The following OCA2 variants were observed in gnomAD, a reference collection of about 807,000 sequenced individuals.
OCA2 encodes the protein OCA2 melanosomal transmembrane protein.
A neutral mutation model predicts 100.2 loss-of-function variants in OCA2; 77 were observed. That is an observed-to-expected ratio of 0.77 (90% CI 0.64 to 0.93). The LOEUF is 0.93. Among genes scored for constraint, OCA2 ranks in the 40% least tolerant of loss-of-function variants. OCA2 has a pLI of 0.00. For missense variants in OCA2, 1,062 were observed against 1,089.1 expected (o/e 0.98, Z 0.35); for synonymous variants, 432 against 439.2 (o/e 0.98, Z 0.21).
Position 28,081,601 on chromosome 15 carries a change from A to G in OCA2, c.227+47T>C, listed in dbSNP as rs763096312. The stretch of plus-strand genomic sequence containing the variant: ...GGGGAACGATGCTCATGGAAACCCA[A>G]TCTGTGTGAAGTCCACATTTACAAG... On this transcript the variant is annotated intron_variant, in intron 2 of 23. Transcript: ENST00000354638. 3.8e-6 allele frequency: 6 copies of G among 1,562,260 alleles called. No homozygotes were observed. In the South Asian group the frequency reaches 6.8e-5, roughly 18 times the overall value.
intron 21 of OCA2, 63 bp from the exon 22 acceptor site, chr15:27,851,538 G>GGGCAGGCCA: frequency 7.8e-7 from 1 of 1,287,276 alleles, no homozygotes; most frequent in Non-Finnish European, 1.1e-6. Context: ...GCCATACTGT[G>GGGCAGGCCA]ACCAATTTAG....
intron 21 of OCA2, among the ~76,000 whole-genome samples, chr15:27,859,664 C>G (rs1286854831): frequency 6.6e-6 from 1 of 152,188 alleles, no homozygotes; most frequent in Non-Finnish European, 1.5e-5. Flanking sequence ...CTTCCTAACT[C>G]ATTCCATGAG....
intron 23 of OCA2, among the ~76,000 whole-genome samples, chr15:27,774,344 C>T (rs1314456498): frequency 6.6e-6 from 1 of 152,230 alleles, no homozygotes; most frequent in Non-Finnish European, 1.5e-5. Flanking sequence ...ACATCTGAGG[C>T]CTTCAGGCCC....
At chr15:28,006,332 C>G (rs1365759482) in intron 9 of OCA2, among the ~76,000 whole-genome samples, 3 of 152,206 alleles carry the variant, frequency 2.0e-5, no homozygotes, top group Non-Finnish European at 4.4e-5. Context: ...TGTGCAGGAA[C>G]AGCCAAGGGC....
intron 2 of OCA2, among the ~76,000 whole-genome samples, chr15:28,054,218 G>A (rs1271145617): frequency 6.6e-6 from 1 of 151,752 alleles, no homozygotes; most frequent in Non-Finnish European, 1.5e-5. Context: ...GTGTATGTAT[G>A]TGTATGTGTG....
chr15:27,871,268 G>C lies in OCA2; in HGVS notation c.2140-10C>G. 1 of 1,604,322 alleles carries C rather than the reference G, an allele frequency of 6.2e-7. No individual in the cohort carries two copies. The highest frequency in any genetic ancestry group is 1.7e-5 in the Admixed American group (1 of 60,000). On this transcript the variant is annotated splice_polypyrimidine_tract_variant and intron_variant, in intron 20 of 23. Transcript: ENST00000354638. Reference sequence around the variant, plus strand: ...GCTCCTCTGGGACCATCTGGAAGGAGGACAATAGCAGCTGCAGTGTTCCAT... The same window carrying C: ...GCTCCTCTGGGACCATCTGGAAGGACGACAATAGCAGCTGCAGTGTTCCAT...
At chr15:27,816,166 TA>T (rs1421285512) in intron 23 of OCA2, among the ~76,000 whole-genome samples, 1 of 152,002 alleles carries the variant, frequency 6.6e-6, no homozygotes, top group African/African-American at 2.4e-5. Flanking sequence ...AAAATAATTA[TA>T]TTCATTATAA....
At position 27,972,843 on chromosome 15, in the gene OCA2, A is replaced by C. The variant is rs1196448610; in HGVS notation, c.1504-6021T>G. ...TGGTTATTTTATTTTATTTTATTTT[A>C]TTTTATTTTATTTTATTTTATTTTA... On this transcript the variant is annotated intron_variant, in intron 14 of 23. Coordinates refer to ENST00000354638, the MANE Select transcript of OCA2 (RefSeq NM_000275.3). Among the ~76,000 whole-genome samples, 960 of 120,110 alleles carry C rather than the reference A, an allele frequency of 8.0e-3. 34 individuals are homozygous for C. Among genetic ancestry groups the C allele is most frequent in the African/African-American group, 0.027 (831 of 30,876 alleles). 78.8% of individuals were successfully genotyped at this position (120,110 alleles called of 152,430 possible).
chr15:27,993,188 C>G (rs1176297633), intron 9 of OCA2, among the ~76,000 whole-genome samples: 1 of 152,144 alleles, frequency 6.6e-6, no homozygotes, highest in African/African-American at 2.4e-5. Context: ...GATTGGATAG[C>G]AGCAAAAATA....
intron 21 of OCA2, among the ~76,000 whole-genome samples, chr15:27,864,626 G>A (rs1280947365): frequency 1.3e-5 from 2 of 152,106 alleles, no homozygotes; most frequent in Non-Finnish European, 2.9e-5. Context: ...CCACCCAGAG[G>A]CTGGGTGACA....
At chr15:27,861,537 G>A (rs771651361) in intron 21 of OCA2, among the ~76,000 whole-genome samples, 2 of 152,038 alleles carry the variant, frequency 1.3e-5, no homozygotes, top group Non-Finnish European at 2.9e-5. Context: ...GGAAGGAGGC[G>A]AGGAGAAGGA....
chr15:28,081,498 A>G (rs553070399), intron 2 of OCA2, 150 bp downstream of exon 2: 2 of 692,458 alleles, frequency 2.9e-6, no homozygotes, highest in Admixed American at 4.9e-5. Context: ...TCAGTCATCA[A>G]AAACTAAGCC....
intron 19 of OCA2, among the ~76,000 whole-genome samples, chr15:27,903,802 A>G (rs2038061477): frequency 6.6e-6 from 1 of 152,244 alleles, no homozygotes; most frequent in African/African-American, 2.4e-5. Flanking sequence ...ATATCTGCAT[A>G]GCATTTCTTA....
intron 19 of OCA2, among the ~76,000 whole-genome samples, chr15:27,905,163 CAA>C (rs35906783): frequency 4.4e-5 from 5 of 114,632 alleles, no homozygotes; most frequent in Non-Finnish European, 3.5e-5. Context: ...GACTCCACCT[CAA>C]AAAAAAAAAA....
chr15:28,003,988 G>C (rs1204165373), intron 9 of OCA2, among the ~76,000 whole-genome samples: 1 of 152,220 alleles, frequency 6.6e-6, no homozygotes, highest in Non-Finnish European at 1.5e-5. Flanking sequence ...CACGTAGCGC[G>C]CTGCGCGCCC....
chr15:27,948,837 G>A (rs1322721862), intron 18 of OCA2, among the ~76,000 whole-genome samples: 1 of 152,152 alleles, frequency 6.6e-6, no homozygotes, highest in Non-Finnish European at 1.5e-5. Context: ...AGACAAGCCA[G>A]TCTCGAAAGG....
rs541579339 is a variant in OCA2, at chr15:28,092,031, A to G, written c.-22+7193T>C. ...ATGTGGTATATACACACAGTGGATT[A>G]TTTGACAATAAAAATGAATGGTGTC... is the stretch of plus-strand genomic sequence containing the variant. On this transcript the variant is annotated intron_variant, in intron 1 of 23. Coordinates refer to ENST00000354638, the MANE Select transcript of OCA2 (RefSeq NM_000275.3). 1.9e-4 allele frequency among the ~76,000 whole-genome samples: 29 copies of G among 152,332 alleles called. No individual in the cohort carries two copies. The South Asian group carries it at 2.7e-3, about 14-fold the overall frequency.
chr15:27,722,707 CCTTTCTTTCTCTCTTTCTT>C, the OCA2 span, among the ~76,000 whole-genome samples: 1 of 99,436 alleles, frequency 1.0e-5, no homozygotes, highest in Admixed American at 1.0e-4. Context: ...TCTCTTCCTT[CCTTTCTTTCTCTCTTTCTT>C]CTTTCTTTCT....
At chr15:27,909,383 A>G (rs936716373) in intron 19 of OCA2, among the ~76,000 whole-genome samples, 1 of 152,220 alleles carries the variant, frequency 6.6e-6, no homozygotes, top group South Asian at 2.1e-4. Context: ...AAGCTATTTC[A>G]TAATTGAGTT....
Sources: allele counts gnomAD v4.1 joint callset (sites outside exome capture counted in the v4.1 genomes callset), GRCh38; gene constraint gnomAD v4.1.1; transcripts MANE v1.5; gene names NCBI Gene and HGNC (gene_info 2026-07-23, HGNC 2026-07-21).